Variants in IMMP2L observed in about 807,000 individuals in gnomAD.
IMMP2L encodes mitochondrial inner membrane protease subunit 2.
A neutral mutation model predicts 19.3 loss-of-function variants in IMMP2L; 18 were observed. The observed-to-expected ratio is 0.93, with a 90% CI of 0.64 to 1.38. IMMP2L has a LOEUF of 1.38. Among genes scored for constraint, IMMP2L ranks in the 40% most tolerant of loss-of-function variants. The pLI is 0.00. For missense variants in IMMP2L, 233 were observed against 218.2 expected (o/e 1.07, Z -0.43); for synonymous variants, 76 against 73.0 (o/e 1.04, Z -0.21).
chr7:111,039,397 ATCTC>A (rs1325449498), intron 3 of IMMP2L, among the ~76,000 whole-genome samples: 1 of 152,222 alleles, frequency 6.6e-6, no homozygotes, highest in African/African-American at 2.4e-5. Flanking sequence ...ACATAAGCAA[ATCTC>A]TATTAACCGT....
intron 3 of IMMP2L, among the ~76,000 whole-genome samples, chr7:111,118,725 G>A (rs1252624265): frequency 2.0e-5 from 3 of 152,008 alleles, no homozygotes; most frequent in Non-Finnish European, 4.4e-5. Flanking sequence ...GCATATTAAT[G>A]AAATATCATA....
intron 3 of IMMP2L, among the ~76,000 whole-genome samples, chr7:111,272,720 C>T (rs1818597767): frequency 6.6e-6 from 1 of 152,188 alleles, no homozygotes; most frequent in South Asian, 2.1e-4. Context: ...TCCCACAGGA[C>T]ATCCCCAACC....
intron 3 of IMMP2L, among the ~76,000 whole-genome samples, chr7:111,041,263 A>T (rs1791868788): frequency 6.6e-6 from 1 of 152,192 alleles, no homozygotes; most frequent in Admixed American, 6.5e-5. Flanking sequence ...GGTGTGGTCT[A>T]AAGAATAAGT....
intron 5 of IMMP2L, among the ~76,000 whole-genome samples, chr7:110,788,734 C>T (rs1458398162): frequency 6.6e-6 from 1 of 151,700 alleles, no homozygotes; most frequent in Middle Eastern, 3.2e-3. Flanking sequence ...TCACAGCCTT[C>T]CCCATGATGG....
chr7:111,502,391 G>A (rs375335125), intron 2 of IMMP2L, among the ~76,000 whole-genome samples: 2 of 152,136 alleles, frequency 1.3e-5, no homozygotes, highest in South Asian at 2.1e-4. Flanking sequence ...ACACCCCGCT[G>A]TCAACATTAG....
intron 4 of IMMP2L, among the ~76,000 whole-genome samples, chr7:110,930,219 G>T (rs1815316185): frequency 6.6e-6 from 1 of 152,050 alleles, no homozygotes; most frequent in Non-Finnish European, 1.5e-5. Context: ...ACAATTATTT[G>T]GAAAGACAGT....
At chr7:110,831,175 T>G (rs1803941012) in intron 5 of IMMP2L, among the ~76,000 whole-genome samples, 1 of 152,130 alleles carries the variant, frequency 6.6e-6, no homozygotes, top group African/African-American at 2.4e-5. Flanking sequence ...ACCCTTAAAG[T>G]TGGCAACAGT....
At chr7:110,944,482 T>C (rs775449699) in intron 4 of IMMP2L, among the ~76,000 whole-genome samples, 18 of 151,844 alleles carry the variant, frequency 1.2e-4, no homozygotes, top group Non-Finnish European at 2.5e-4. Flanking sequence ...CGTGTGTGTG[T>C]GCGCGTGTGT....
At chr7:111,504,632 T>C (rs1044400933) in intron 2 of IMMP2L, among the ~76,000 whole-genome samples, 66 of 151,702 alleles carry the variant, frequency 4.4e-4, no homozygotes, top group Middle Eastern at 3.4e-3. Context: ...AGATATAGAT[T>C]AATGGAACAG....
At chr7:111,467,604 G>A (rs942140822) in intron 3 of IMMP2L, among the ~76,000 whole-genome samples, 6 of 152,100 alleles carry the variant, frequency 3.9e-5, no homozygotes, top group African/African-American at 9.7e-5. Flanking sequence ...AGACGGTAAG[G>A]TTAATTACCC....
intron 4 of IMMP2L, among the ~76,000 whole-genome samples, chr7:110,931,208 A>G (rs1815446932): frequency 6.6e-6 from 1 of 152,190 alleles, no homozygotes; most frequent in Non-Finnish European, 1.5e-5. Flanking sequence ...AAATATTTCT[A>G]TGAGAACAAA....
intron 5 of IMMP2L, among the ~76,000 whole-genome samples, chr7:110,749,767 G>C (rs1461996463): frequency 6.6e-6 from 1 of 152,026 alleles, no homozygotes; most frequent in Non-Finnish European, 1.5e-5. Context: ...CCCAGGGGAG[G>C]GATAGCATTA....
chr7:110,896,812 CT>C (rs879723395), intron 4 of IMMP2L, among the ~76,000 whole-genome samples: 131 of 143,614 alleles, frequency 9.1e-4, no homozygotes, highest in Admixed American at 1.2e-3. Context: ...GTGCATTCTG[CT>C]TTTTTTTTTT....
chr7:110,797,171 G>A (rs1040674059), intron 5 of IMMP2L, among the ~76,000 whole-genome samples: 1 of 151,550 alleles, frequency 6.6e-6, no homozygotes, highest in African/African-American at 2.4e-5. Context: ...CAACAGTTCT[G>A]TCTTTGCTTC....
intron 3 of IMMP2L, among the ~76,000 whole-genome samples, chr7:111,116,340 A>G (rs1363136133): frequency 6.6e-6 from 1 of 152,156 alleles, no homozygotes; most frequent in East Asian, 1.9e-4. Context: ...TATTTCTATA[A>G]TGATAATAAG....
chr7:111,412,943 C>T (rs1834571463), intron 3 of IMMP2L, among the ~76,000 whole-genome samples: 1 of 151,394 alleles, frequency 6.6e-6, no homozygotes, highest in African/African-American at 2.4e-5. Flanking sequence ...AAATAAAAAA[C>T]AAACCCAAAG....
chr7:110,758,234 T>A lies in IMMP2L; in HGVS notation c.409-94513A>T, dbSNP rs1158424468. Among the ~76,000 whole-genome samples, 3 of 151,914 alleles carry A rather than the reference T, an allele frequency of 2.0e-5. No individual in the cohort carries two copies. The highest frequency in any genetic ancestry group is 4.4e-5 in the Non-Finnish European group (3 of 67,996). On this transcript the variant is annotated intron_variant, in intron 5 of 5. Coordinates refer to ENST00000405709, the MANE Select transcript of IMMP2L (RefSeq NM_032549.4). This position sits in a 1 kb window ranked among gnomAD's most constrained non-coding sequence, Gnocchi z 4.6. ...ACTGGTTTCTGTACAGTGATGTGGG[T>A]GAAAATCTGACTGGAGTGGACTTAA...
At chr7:111,036,533 A>T (rs1400779780) in intron 3 of IMMP2L, among the ~76,000 whole-genome samples, 2 of 152,192 alleles carry the variant, frequency 1.3e-5, no homozygotes, top group Non-Finnish European at 2.9e-5. Flanking sequence ...TAACTAGATT[A>T]TAAGCATCAG....
chr7:110,728,165 A>G lies in IMMP2L; in HGVS notation c.409-64444T>C, dbSNP rs887156425. On this transcript the variant is annotated intron_variant, in intron 5 of 5. Transcript: ENST00000405709. This position sits in a 1 kb window ranked among gnomAD's most constrained non-coding sequence, Gnocchi z 4.6. ...CCAATAGTAAGCATTCATACATAAT[A>G]TCTGCCATGCTTGTTGTTGTTGTTA... Among the ~76,000 whole-genome samples, 5 of 152,304 alleles carry G rather than the reference A, an allele frequency of 3.3e-5. No individual in the cohort carries two copies. Among genetic ancestry groups the G allele is most frequent in the African/African-American group, 1.2e-4 (5 of 41,546 alleles).
Sources: allele counts gnomAD v4.1 joint callset (sites outside exome capture counted in the v4.1 genomes callset), GRCh38; gene constraint gnomAD v4.1.1; non-coding constraint Gnocchi (gnomAD v3.1); transcripts MANE v1.5; gene names NCBI Gene and HGNC (gene_info 2026-07-23, HGNC 2026-07-21).